INPP4B: variants seen among roughly 807,000 people sequenced by gnomAD.
INPP4B encodes the protein inositol polyphosphate 4-phosphatase type II.
A neutral mutation model predicts 122.5 loss-of-function variants in INPP4B; 55 were observed. The observed-to-expected ratio is 0.45, with a 90% CI of 0.36 to 0.56. The LOEUF is 0.56. INPP4B is among the 20% of genes least tolerant of loss of function. INPP4B has a pLI of 0.00. For synonymous variants in INPP4B, 403 were observed against 388.7 expected (o/e 1.04, Z -0.43); for missense variants, 1,000 against 1,097.7 (o/e 0.91, Z 1.26).
intron 9 of INPP4B, 35 bp downstream of exon 9, chr4:142,305,423 A>G (rs1408895126): frequency 6.7e-7 from 1 of 1,483,742 alleles, no homozygotes; most frequent in Admixed American, 1.9e-5. Flanking sequence ...CTTGTTATTA[A>G]CTTTAACAGT....
At chr4:142,786,229 C>A (rs1561067858) in intron 1 of INPP4B, among the ~76,000 whole-genome samples, 1 of 152,038 alleles carries the variant, frequency 6.6e-6, no homozygotes, top group African/African-American at 2.4e-5. Context: ...AGGCTAGAGC[C>A]TCTTGTAGTC....
In INPP4B at chr4:142,521,916, TTAA is replaced by T. The variant is rs545184099; in HGVS notation, c.-190-59193_-190-59191del. Reference sequence around the variant, plus strand: ...ATAAATAGAGTCCACAAAATACAAGTTAATTTGTTTGGTATTGAGAAATAATTT... The same window carrying T: ...ATAAATAGAGTCCACAAAATACAAGTTTTGTTTGGTATTGAGAAATAATTT... On this transcript the variant is annotated intron_variant, in intron 2 of 25. Transcript: ENST00000262992. Among the ~76,000 whole-genome samples the T allele has an allele frequency of 2.1e-3, 315 of 152,178 alleles. 1 individual carries two copies. Among genetic ancestry groups the T allele is most frequent in the African/African-American group, 7.0e-3 (291 of 41,548 alleles).
chr4:142,124,471 A>C (rs1375263684), intron 19 of INPP4B, 117 bp downstream of exon 19: 2 of 943,100 alleles, frequency 2.1e-6, no homozygotes, highest in African/African-American at 3.3e-5. Flanking sequence ...GGGATACCAA[A>C]ACTTTAAGGA....
At chr4:142,303,964 T>G (rs189772169) in intron 9 of INPP4B, among the ~76,000 whole-genome samples, 89 of 152,302 alleles carry the variant, frequency 5.8e-4, no homozygotes, top group African/African-American at 2.1e-3. Flanking sequence ...CCCTGATTTC[T>G]GTTTCAAACC....
intron 9 of INPP4B, among the ~76,000 whole-genome samples, chr4:142,280,227 A>G (rs1239679903): frequency 6.6e-6 from 1 of 151,968 alleles, no homozygotes; most frequent in African/African-American, 2.4e-5. Context: ...TTAGGGTCAC[A>G]TAAAAACCTA....
At chr4:142,520,043 C>G (rs1162251817) in intron 2 of INPP4B, among the ~76,000 whole-genome samples, 1 of 151,896 alleles carries the variant, frequency 6.6e-6, no homozygotes, top group Non-Finnish European at 1.5e-5. Context: ...TTAACCTAAA[C>G]AATATTAAAG....
intron 1 of INPP4B, among the ~76,000 whole-genome samples, chr4:142,841,183 A>G (rs1203916091): frequency 6.6e-6 from 1 of 152,036 alleles, no homozygotes; most frequent in Admixed American, 6.6e-5. Flanking sequence ...GACATCATAG[A>G]GTGTTAACTG....
intron 2 of INPP4B, among the ~76,000 whole-genome samples, chr4:142,715,284 T>C (rs951291206): frequency 1.3e-5 from 2 of 152,236 alleles, no homozygotes; most frequent in African/African-American, 4.8e-5. Context: ...ATGTCCAGTA[T>C]GTTAGCCAGT....
At chr4:142,137,719 G>A (rs1333114086) in intron 18 of INPP4B, among the ~76,000 whole-genome samples, 4 of 148,190 alleles carry the variant, frequency 2.7e-5, no homozygotes, top group African/African-American at 4.9e-5. Context: ...TCAAAAAGTG[G>A]GCAAAGGATA....
chr4:142,166,864 G>T (rs914272433), intron 16 of INPP4B, among the ~76,000 whole-genome samples: 2 of 151,918 alleles, frequency 1.3e-5, no homozygotes, highest in Non-Finnish European at 2.9e-5. Context: ...AGTCAGAATG[G>T]TGAGTACTAA....
At chr4:142,505,301 A>G (rs1823878478) in intron 2 of INPP4B, among the ~76,000 whole-genome samples, 1 of 152,016 alleles carries the variant, frequency 6.6e-6, no homozygotes, top group African/African-American at 2.4e-5. Flanking sequence ...ATATAATTAC[A>G]TATGTGAATA....
At chr4:142,405,862 GA>G (rs1464876599) in intron 5 of INPP4B, among the ~76,000 whole-genome samples, 1 of 151,988 alleles carries the variant, frequency 6.6e-6, no homozygotes, top group African/African-American at 2.4e-5. Context: ...ACAAGCAGGG[GA>G]AGAGGAAGCA....
chr4:142,257,822 T>G (rs1289946942), intron 11 of INPP4B, among the ~76,000 whole-genome samples: 1 of 151,606 alleles, frequency 6.6e-6, no homozygotes, highest in African/African-American at 2.4e-5. Flanking sequence ...AAGCTACAAA[T>G]GACTTTCTTC....
intron 2 of INPP4B, among the ~76,000 whole-genome samples, chr4:142,581,737 A>AC (rs753821394): frequency 6.6e-6 from 1 of 151,992 alleles, no homozygotes; most frequent in Non-Finnish European, 1.5e-5. Context: ...ACAGAGCACC[A>AC]CAACTATTCT....
intron 2 of INPP4B, among the ~76,000 whole-genome samples, chr4:142,489,966 A>T (rs1478881758): frequency 6.6e-6 from 1 of 152,012 alleles, no homozygotes; most frequent in Non-Finnish European, 1.5e-5. Flanking sequence ...CATGTTATGT[A>T]TTTTCCCATC....
intron 9 of INPP4B, among the ~76,000 whole-genome samples, chr4:142,280,089 A>G (rs994778520): frequency 1.3e-5 from 2 of 151,870 alleles, no homozygotes; most frequent in Non-Finnish European, 2.9e-5. Flanking sequence ...GGCAAGGATG[A>G]AGACTGACTG....
chr4:142,144,764 T>C (rs983199935), intron 18 of INPP4B, among the ~76,000 whole-genome samples: 3 of 152,118 alleles, frequency 2.0e-5, no homozygotes, highest in Non-Finnish European at 4.4e-5. Context: ...ACAAATATAA[T>C]TTAGAAATGG....
intron 2 of INPP4B, among the ~76,000 whole-genome samples, chr4:142,625,628 A>C (rs965185132): frequency 4.6e-5 from 7 of 152,060 alleles, no homozygotes; most frequent in Non-Finnish European, 8.8e-5. Context: ...ATTGGAAAAA[A>C]CTACTTTAAA....
intron 14 of INPP4B, among the ~76,000 whole-genome samples, chr4:142,205,955 G>A (rs993063259): frequency 6.6e-6 from 1 of 152,046 alleles, no homozygotes; most frequent in African/African-American, 2.4e-5. Context: ...ATTTTGTGCT[G>A]CTATAACATA....
Sources: allele counts gnomAD v4.1 joint callset (sites outside exome capture counted in the v4.1 genomes callset), GRCh38; gene constraint gnomAD v4.1.1; transcripts MANE v1.5; gene names NCBI Gene and HGNC (gene_info 2026-07-23, HGNC 2026-07-21).